PACRG: variants seen among roughly 807,000 people sequenced by gnomAD.
PACRG encodes the protein parkin coregulated, also known as parkin coregulated gene protein.
A neutral mutation model predicts 29.7 loss-of-function variants in PACRG; 29 were observed. The observed-to-expected ratio is 0.98, with a 90% confidence interval of 0.73 to 1.33. The LOEUF (loss-of-function observed/expected upper bound fraction) is 1.33. Ranked by LOEUF, PACRG falls within the 40% of genes most tolerant of loss-of-function variation. The pLI, the probability that PACRG is intolerant of heterozygous loss-of-function variation, is 0.00. For synonymous variants in PACRG, 116 were observed against 118.7 expected (o/e 0.98, Z 0.15); for missense variants, 279 against 316.2 (o/e 0.88, Z 0.89).
intron 2 of PACRG, among the ~76,000 whole-genome samples, chr6:162,878,072 C>A (rs529230263): frequency 1.3e-5 from 2 of 152,076 alleles, no homozygotes; most frequent in South Asian, 4.2e-4. Flanking sequence ...ATAGTATGAG[C>A]AAAAAGCATA....
intron 2 of PACRG, among the ~76,000 whole-genome samples, chr6:162,928,832 T>G (rs1454494013): frequency 6.6e-6 from 1 of 152,014 alleles, no homozygotes; most frequent in Non-Finnish European, 1.5e-5. Context: ...GTCCACTTTT[T>G]TTTTTAGCTC....
intron 4 of PACRG, among the ~76,000 whole-genome samples, chr6:163,157,149 G>A (rs1778358812): frequency 6.6e-6 from 1 of 152,190 alleles, no homozygotes; most frequent in African/African-American, 2.4e-5. Flanking sequence ...ACTACTACCT[G>A]TGGAGTAAAG....
chr6:163,053,571 T>C (rs1220198995), intron 2 of PACRG, among the ~76,000 whole-genome samples: 2 of 152,178 alleles, frequency 1.3e-5, no homozygotes, highest in African/African-American at 2.4e-5. Context: ...TGATTTCTAG[T>C]GAAATGAGGG....
At chr6:162,937,705 C>T (rs1798334094) in intron 2 of PACRG, among the ~76,000 whole-genome samples, 1 of 152,030 alleles carries the variant, frequency 6.6e-6, no homozygotes, top group African/African-American at 2.4e-5. Flanking sequence ...GGTATATTTA[C>T]CAACCACATC....
At chr6:163,165,780 G>A (rs1221206343) in intron 4 of PACRG, 5 of 239,864 alleles carry the variant, frequency 2.1e-5, no homozygotes, top group South Asian at 4.8e-5. Context: ...AAAGCTGGGA[G>A]GAGAAACATC....
upstream of PACRG, chr6:162,727,531 G>A (rs547402532): frequency 7.2e-5 from 75 of 1,036,458 alleles, no homozygotes; most frequent in African/African-American, 1.1e-3. Flanking sequence ...GCGGGCCGGG[G>A]ACGGCACGGG....
chr6:163,288,737 T>C (rs1784482021), intron 4 of PACRG, among the ~76,000 whole-genome samples: 1 of 147,806 alleles, frequency 6.8e-6, no homozygotes, highest in Admixed American at 6.7e-5. Flanking sequence ...CTCAACACTT[T>C]TGAATGGCTT....
chr6:162,874,734 A>G (rs528489120), intron 2 of PACRG, among the ~76,000 whole-genome samples: 10 of 152,272 alleles, frequency 6.6e-5, no homozygotes, highest in Admixed American at 1.3e-4. Flanking sequence ...ACATGCATAG[A>G]CACACATGCA....
intron 2 of PACRG, among the ~76,000 whole-genome samples, chr6:163,037,821 C>T (rs1808347857): frequency 6.6e-6 from 1 of 152,202 alleles, no homozygotes; most frequent in Non-Finnish European, 1.5e-5. Flanking sequence ...CTCACCCTGT[C>T]TCTCCTGCCT....
At chr6:162,735,607 T>G (rs1467122250) in intron 1 of PACRG, among the ~76,000 whole-genome samples, 6 of 152,168 alleles carry the variant, frequency 3.9e-5, no homozygotes, top group Non-Finnish European at 7.4e-5. Context: ...TTTATTTATT[T>G]GTAGTACTTT....
chr6:163,310,887 G>T (rs115192221), intron 4 of PACRG: 1 of 152,292 alleles, frequency 6.6e-6, no homozygotes, highest in African/African-American at 2.4e-5. Context: ...TCCCTTCACA[G>T]CCCCAAGCTG....
At position 163,278,706 on chromosome 6, in the gene PACRG, T is replaced by TACC. The variant is rs565835609; in HGVS notation, c.614-36119_614-36117dup. The stretch of plus-strand genomic sequence containing the variant: ...CCATTGGTCTATGTGCCTATTTTTA[T>TACC]ACCAGTACCATGCTGTTTTGGTAAC... On this transcript the variant is annotated intron_variant, in intron 4 of 4. Coordinates refer to ENST00000366888, the MANE Select transcript of PACRG (RefSeq NM_001080379.2). Among the ~76,000 whole-genome samples, 61 of 152,352 alleles carry TACC rather than the reference T, an allele frequency of 4.0e-4. 2 individuals carry two copies. The South Asian group carries it at 0.012, about 29-fold the overall frequency.
intron 4 of PACRG, among the ~76,000 whole-genome samples, chr6:163,091,023 A>G (rs579628): frequency 0.23 from 34,763 of 152,136 alleles, 4,534 homozygotes; most frequent in East Asian, 0.51. Flanking sequence ...CTGGAAGATG[A>G]GCCTGAACAC....
At chr6:163,160,635 T>C (rs115072805) in intron 4 of PACRG, among the ~76,000 whole-genome samples, 12 of 152,330 alleles carry the variant, frequency 7.9e-5, no homozygotes, top group South Asian at 6.2e-4. Flanking sequence ...GTGGACAATA[T>C]GGACATCATG....
At chr6:162,937,285 A>G (rs1397994972) in intron 2 of PACRG, among the ~76,000 whole-genome samples, 1 of 152,226 alleles carries the variant, frequency 6.6e-6, no homozygotes, top group African/African-American at 2.4e-5. Context: ...AACCTGATAT[A>G]TTTTAAATAT....
intron 4 of PACRG, among the ~76,000 whole-genome samples, chr6:163,099,565 C>T (rs1814895408): frequency 6.6e-6 from 1 of 152,176 alleles, no homozygotes; most frequent in Non-Finnish European, 1.5e-5. Flanking sequence ...AAAATATCAC[C>T]TATTCTGGAT....
At chr6:163,265,931 C>T (rs946970631) in intron 4 of PACRG, among the ~76,000 whole-genome samples, 1 of 152,154 alleles carries the variant, frequency 6.6e-6, no homozygotes, top group African/African-American at 2.4e-5. Context: ...AAAAATTTGA[C>T]CCATAAATTT....
chr6:163,275,967 CT>C (rs941349115), intron 4 of PACRG, among the ~76,000 whole-genome samples: 78 of 146,042 alleles, frequency 5.3e-4, no homozygotes, highest in East Asian at 8.0e-4. Context: ...AAGAGTATTG[CT>C]TTTTTTTTTT....
chr6:163,116,328 T>C (rs73786978), intron 4 of PACRG, among the ~76,000 whole-genome samples: 3,650 of 152,166 alleles, frequency 0.024, 160 homozygotes, highest in African/African-American at 0.083. Flanking sequence ...TACACTATCG[T>C]GAGGACAGTA....
Sources: allele counts gnomAD v4.1 joint callset (sites outside exome capture counted in the v4.1 genomes callset), GRCh38; gene constraint gnomAD v4.1.1; transcripts MANE v1.5; gene names NCBI Gene and HGNC (gene_info 2026-07-23, HGNC 2026-07-21).